Variants in FHIT observed in about 807,000 individuals in gnomAD.
FHIT encodes bis(5'-adenosyl)-triphosphatase.
In FHIT, 19 loss-of-function variants were observed where a neutral mutation model predicts 17.9. The observed-to-expected ratio is 1.06, with a 90% CI of 0.74 to 1.56. The LOEUF is 1.56. Ranked by LOEUF, FHIT falls within the 40% of genes most tolerant of loss-of-function variation. FHIT has a pLI of 0.00. For missense variants in FHIT, 248 were observed against 189.2 expected (o/e 1.31, Z -1.82); for synonymous variants, 81 against 69.7 (o/e 1.16, Z -0.81).
At chr3:61,119,258 G>A (rs146413769) in intron 2 of FHIT, among the ~76,000 whole-genome samples, 2,218 of 151,604 alleles carry the variant, frequency 0.015, 41 homozygotes, top group Non-Finnish European at 0.021. Context: ...TAGCTCTGTC[G>A]CCCAGGCTGG....
intron 5 of FHIT, among the ~76,000 whole-genome samples, chr3:60,249,229 A>C (rs541182220): frequency 1.3e-5 from 2 of 152,264 alleles, no homozygotes; most frequent in East Asian, 1.9e-4. Flanking sequence ...TCTATTCTTG[A>C]AACTTTCCGT....
intron 5 of FHIT, among the ~76,000 whole-genome samples, chr3:60,408,900 T>C (rs1362655404): frequency 1.3e-5 from 2 of 152,068 alleles, no homozygotes; most frequent in Non-Finnish European, 2.9e-5. Flanking sequence ...AATTTATGAG[T>C]ATTGCCATAG....
chr3:60,865,762 G>C (rs1553753731), intron 3 of FHIT, among the ~76,000 whole-genome samples: 1 of 152,110 alleles, frequency 6.6e-6, no homozygotes, highest in Non-Finnish European at 1.5e-5. Context: ...GCTGTGACAA[G>C]GCTGAAGCAA....
intron 4 of FHIT, among the ~76,000 whole-genome samples, chr3:60,704,569 T>C (rs1225381144): frequency 6.6e-6 from 1 of 152,194 alleles, no homozygotes; most frequent in African/African-American, 2.4e-5. Flanking sequence ...CAAGGGGTTA[T>C]TGTTACATAG....
At chr3:59,849,656 A>G (rs1273146342) in intron 8 of FHIT, among the ~76,000 whole-genome samples, 1 of 152,204 alleles carries the variant, frequency 6.6e-6, no homozygotes, top group Admixed American at 6.5e-5. Flanking sequence ...AAGAGATGAA[A>G]CAAGAGACAT....
chr3:60,215,454 T>C (rs1442663767), intron 5 of FHIT, among the ~76,000 whole-genome samples: 4 of 151,960 alleles, frequency 2.6e-5, no homozygotes, highest in African/African-American at 9.7e-5. Context: ...TCCCAGCTAC[T>C]AGGGAGGCTA....
Position 60,540,493 on chromosome 3 carries a change from C to T in FHIT, c.-17-3514G>A, listed in dbSNP as rs181861190. On this transcript the variant is annotated intron_variant, in intron 4 of 9. Transcript: ENST00000492590. ...AACCTGTGGAATCTGAGGCTATCTC[C>T]AGGTACGTAACATCCAAATTCTTCT... Among the ~76,000 whole-genome samples the T allele has an allele frequency of 1.1e-4, 17 of 152,292 alleles. No homozygotes were observed. In the East Asian group the frequency reaches 3.3e-3, roughly 29 times the overall value.
intron 8 of FHIT, among the ~76,000 whole-genome samples, chr3:59,759,218 G>T (rs1701377058): frequency 6.6e-6 from 1 of 152,002 alleles, no homozygotes; most frequent in African/African-American, 2.4e-5. Flanking sequence ...GGGGATGGCA[G>T]ATCATTTGCA....
intron 3 of FHIT, among the ~76,000 whole-genome samples, chr3:60,853,852 A>T (rs1703255889): frequency 6.6e-6 from 1 of 152,112 alleles, no homozygotes; most frequent in Admixed American, 6.6e-5. Flanking sequence ...ATGTATTTAA[A>T]TGTTCCACAT....
chr3:60,179,551 T>C (rs548928074), intron 5 of FHIT, among the ~76,000 whole-genome samples: 1 of 152,306 alleles, frequency 6.6e-6, no homozygotes, highest in African/African-American at 2.4e-5. Flanking sequence ...CATGGGATTT[T>C]TGGAGGATGT....
intron 1 of FHIT, among the ~76,000 whole-genome samples, chr3:61,237,437 T>C (rs1305955367): frequency 6.6e-6 from 1 of 152,228 alleles, no homozygotes; most frequent in Non-Finnish European, 1.5e-5. Context: ...TGCTGAATCC[T>C]GGGTTGTTGT....
chr3:60,640,593 A>C (rs1256788941), intron 4 of FHIT, among the ~76,000 whole-genome samples: 1 of 152,190 alleles, frequency 6.6e-6, no homozygotes, highest in Non-Finnish European at 1.5e-5. Context: ...ATACTTCAAT[A>C]AGAAAATTTA....
intron 5 of FHIT, among the ~76,000 whole-genome samples, chr3:60,231,355 T>G (rs571057548): frequency 2.0e-5 from 3 of 152,170 alleles, no homozygotes; most frequent in South Asian, 4.1e-4. Flanking sequence ...AATTAATTAT[T>G]TTACAGTCTG....
chr3:60,194,590 C>A (rs910332445), intron 5 of FHIT, among the ~76,000 whole-genome samples: 1 of 151,978 alleles, frequency 6.6e-6, no homozygotes, highest in Non-Finnish European at 1.5e-5. Flanking sequence ...ATAAATGATA[C>A]CTAATTAAAC....
chr3:60,971,667 T>C (rs1710022593), intron 3 of FHIT, among the ~76,000 whole-genome samples: 1 of 152,186 alleles, frequency 6.6e-6, no homozygotes, highest in Admixed American at 6.5e-5. Flanking sequence ...TGTTTGCAGT[T>C]AGATCTAGAG....
At chr3:60,789,279 G>A (rs1192119221) in intron 4 of FHIT, among the ~76,000 whole-genome samples, 2 of 151,902 alleles carry the variant, frequency 1.3e-5, no homozygotes, top group Non-Finnish European at 2.9e-5. Context: ...AGCATTTTGG[G>A]AGGCCAAGGC....
At chr3:60,368,605 T>A (rs1473951842) in intron 5 of FHIT, among the ~76,000 whole-genome samples, 4 of 152,166 alleles carry the variant, frequency 2.6e-5, no homozygotes, top group Non-Finnish European at 5.9e-5. Context: ...AGTATTTTCC[T>A]CCAGTCTGTA....
At chr3:60,663,836 C>T (rs547512337) in intron 4 of FHIT, among the ~76,000 whole-genome samples, 7 of 152,262 alleles carry the variant, frequency 4.6e-5, no homozygotes, top group African/African-American at 7.2e-5. Context: ...TGTAAAAATA[C>T]GATTAACTGT....
Position 60,096,333 on chromosome 3 carries a change from T to G in FHIT, c.104-82181A>C, listed in dbSNP as rs568467992. Among the ~76,000 whole-genome samples the G allele has an allele frequency of 2.0e-5, 3 of 152,286 alleles. No individual in the cohort carries two copies. In the South Asian group the frequency reaches 6.2e-4, roughly 32 times the overall value. ...AAAGTCCACCCAATTTGTCTGAGTC[T>G]GGGGCTTTTATAGGCTCAGAATAGG... is the stretch of plus-strand genomic sequence containing the variant. On this transcript the variant is annotated intron_variant, in intron 5 of 9. Transcript: ENST00000492590.
Sources: allele counts gnomAD v4.1 joint callset (sites outside exome capture counted in the v4.1 genomes callset), GRCh38; gene constraint gnomAD v4.1.1; transcripts MANE v1.5; gene names NCBI Gene and HGNC (gene_info 2026-07-23, HGNC 2026-07-21).